FCRL1: variants seen among roughly 807,000 people sequenced by gnomAD.
FCRL1 encodes the protein Fc receptor like 1, also known as Fc receptor-like protein 1.
A neutral mutation model predicts 49.2 loss-of-function variants in FCRL1; 34 were observed. The ratio of observed to expected loss-of-function variants is 0.69; its 90% CI spans 0.53 to 0.92. The LOEUF (loss-of-function observed/expected upper bound fraction) is 0.92. Among genes scored for constraint, FCRL1 ranks in the 40% least tolerant of loss-of-function variants. The probability of loss-of-function intolerance (pLI) is 0.00; values close to 1 mark genes in which losing one functional copy is unlikely to be tolerated. For missense variants in FCRL1, 524 were observed against 524.1 expected (o/e 1.00, Z 0.00); for synonymous variants, 218 against 201.6 (o/e 1.08, Z -0.69).
At chr1:157,811,976 TGGA>T (rs1654386040) in intron 1 of FCRL1, among the ~76,000 whole-genome samples, 1 of 152,168 alleles carries the variant, frequency 6.6e-6, no homozygotes, top group African/African-American at 2.4e-5. Context: ...TCCTGCCCAG[TGGA>T]GAAGTCAAGC....
intron 1 of FCRL1, among the ~76,000 whole-genome samples, chr1:157,812,338 A>G (rs2101892901): frequency 6.6e-6 from 1 of 151,830 alleles, no homozygotes. Flanking sequence ...GCATCCTATC[A>G]CCATTCCAGG....
In FCRL1 at chr1:157,802,671, G is replaced by A; in HGVS notation, c.320-7C>T. ...ACATCAGCGACAGGGACCCCTGTGT[G>A]GACACAAGATGACATAGGAAGACCC... On this transcript the variant is annotated splice_region_variant and splice_polypyrimidine_tract_variant and intron_variant, in intron 3 of 10. Transcript: ENST00000368176. The A allele has an allele frequency of 6.2e-7, 1 of 1,610,382 alleles. No individual in the cohort carries two copies. Among genetic ancestry groups the A allele is most frequent in the Non-Finnish European group, 8.5e-7 (1 of 1,178,062 alleles).
chr1:157,801,641 T>C, intron 5 of FCRL1, 64 bp from the exon 6 acceptor site: 2 of 1,195,782 alleles, frequency 1.7e-6, no homozygotes, highest in Non-Finnish European at 2.4e-6. Flanking sequence ...AGAGCAGACA[T>C]CTTGGGTGTG....
intron 1 of FCRL1, 74 bp from the exon 2 acceptor site, chr1:157,807,196 A>G: frequency 1.3e-6 from 2 of 1,535,802 alleles, no homozygotes; most frequent in Non-Finnish European, 1.8e-6. Flanking sequence ...ATCCTTTGAG[A>G]GCTTCCCCAA....
In FCRL1 at chr1:157,800,460, GT is replaced by G. The variant is rs541710160; in HGVS notation, c.1004-376del. ...ACAAGCATGATATAGACGGTGTGAG[GT>G]ACCCAAATATGTCAGAAAAGCTTGG... On this transcript the variant is annotated intron_variant, in intron 6 of 10. Coordinates refer to ENST00000368176, the MANE Select transcript of FCRL1 (RefSeq NM_052938.5). 3.9e-5 allele frequency among the ~76,000 whole-genome samples: 6 copies of G among 152,294 alleles called. No homozygotes were observed. The South Asian group carries it at 1.2e-3, about 32-fold the overall frequency.
chr1:157,804,356 T>C (rs1243447913), intron 2 of FCRL1, among the ~76,000 whole-genome samples: 1 of 152,080 alleles, frequency 6.6e-6, no homozygotes, highest in Non-Finnish European at 1.5e-5. Flanking sequence ...ACTCTTACCT[T>C]TGACTTGGAT....
intron 10 of FCRL1, 111 bp downstream of exon 10, chr1:157,796,990 G>A (rs933006801): frequency 5.1e-6 from 5 of 981,332 alleles, no homozygotes; most frequent in South Asian, 1.4e-5. Flanking sequence ...GTAGGGAAGA[G>A]GTAGACCATG....
chr1:157,802,990 C>A (rs1365976966), intron 3 of FCRL1, among the ~76,000 whole-genome samples: 1 of 152,182 alleles, frequency 6.6e-6, no homozygotes, highest in African/African-American at 2.4e-5. Flanking sequence ...GTAAATCGAA[C>A]TGCCTTATTT....
Position 157,802,555 on chromosome 1 carries a change from G to C in FCRL1, c.429C>G (p.Ile143Met). Residue 143 changes from isoleucine (I) to methionine (M), a missense_variant, in exon 4 of 11, where the codon ATC (isoleucine) becomes ATG (methionine). Coordinates refer to ENST00000368176, the MANE Select transcript of FCRL1 (RefSeq NM_052938.5). The part of the protein sequence containing the change: ...ICSVAMGTGD[I>M]TFLWYKGAVG... Reference sequence around the variant, plus strand: ...CAGCCCCTTTGTACCAAAGGAAGGTGATGTCTCCTGTGCCCATAGCAACTG... The same window carrying C: ...CAGCCCCTTTGTACCAAAGGAAGGTCATGTCTCCTGTGCCCATAGCAACTG... 1 of 1,614,190 alleles carries C rather than the reference G, an allele frequency of 6.2e-7. No individual in the cohort carries two copies.
intron 1 of FCRL1, among the ~76,000 whole-genome samples, chr1:157,819,800 T>C (rs1027434763): frequency 1.3e-5 from 2 of 152,172 alleles, no homozygotes; most frequent in African/African-American, 2.4e-5. Context: ...AGATAAAAAC[T>C]GAAATGATAG....
chr1:157,807,121 A>G lies in FCRL1; in HGVS notation c.33T>C (p.Ala11=). Residue 11 remains alanine, a splice_region_variant and synonymous_variant, in exon 2 of 11, where the codon GCT becomes GCC. Coordinates refer to ENST00000368176, the MANE Select transcript of FCRL1 (RefSeq NM_052938.5). MLPRLLLLIC[A]PLCEPAELFL... is the part of the protein sequence containing the mutation. ...ACTCACCGGCAGGTTCACAGAGTGGAGCTGGGAGAGAATTCAGCAGAGATC... is the reference window on the plus strand; with the variant it reads ...ACTCACCGGCAGGTTCACAGAGTGGGGCTGGGAGAGAATTCAGCAGAGATC... 1 of 1,613,764 alleles carries G rather than the reference A, an allele frequency of 6.2e-7. No homozygotes were observed. Among genetic ancestry groups the G allele is most frequent in the Non-Finnish European group, 8.5e-7 (1 of 1,179,850 alleles).
At chr1:157,808,456 T>C (rs993984355) in intron 1 of FCRL1, among the ~76,000 whole-genome samples, 4 of 152,096 alleles carry the variant, frequency 2.6e-5, no homozygotes, top group South Asian at 2.1e-4. Context: ...AAACATCGAA[T>C]GCAAGTATCC....
chr1:157,798,016 T>G (rs1651815323), intron 8 of FCRL1, 77 bp from the exon 9 acceptor site: 2 of 1,542,660 alleles, frequency 1.3e-6, no homozygotes, highest in African/African-American at 2.7e-5. Context: ...CTTCCACCTG[T>G]CACAGCCATG....
rs908400517 is a variant in FCRL1 at position 157,794,506 on chromosome 1, T to C, written c.*1593A>G. 2.6e-5 allele frequency: 4 copies of C among 152,210 alleles called. No homozygotes were observed. The highest frequency in any genetic ancestry group is 9.6e-5 in the African/African-American group (4 of 41,460). The allele number at this position is 152,210 out of a possible 1,614,324, so 9.4% of individuals were successfully genotyped here. ...CAGACGTTGTTGGTGAAGATATAAA[T>C]TGATACAGCCTTACCTGAGAGACAT... On this transcript the variant is annotated 3_prime_UTR_variant, in exon 11 of 11. Coordinates refer to ENST00000368176, the MANE Select transcript of FCRL1 (RefSeq NM_052938.5).
At chr1:157,807,626 G>A (rs774700716) in intron 1 of FCRL1, among the ~76,000 whole-genome samples, 30 of 152,188 alleles carry the variant, frequency 2.0e-4, no homozygotes, top group African/African-American at 7.2e-4. Context: ...TCAAGGCATA[G>A]AGACCCTTTG....
chr1:157,810,933 C>T (rs1319762706), intron 1 of FCRL1, among the ~76,000 whole-genome samples: 1 of 151,964 alleles, frequency 6.6e-6, no homozygotes, highest in Admixed American at 6.6e-5. Flanking sequence ...TGCCACAATG[C>T]CAGGATAATT....
chr1:157,812,357 G>A lies in FCRL1; in HGVS notation c.32-5235C>T, dbSNP rs141571922. On this transcript the variant is annotated intron_variant, in intron 1 of 10. Coordinates refer to ENST00000368176, the MANE Select transcript of FCRL1 (RefSeq NM_052938.5). ...CCTATCACCATTCCAGGGTCTTTCC[G>A]GTCACTACACCTGGCATCACAGAGC... Among the ~76,000 whole-genome samples, 588 of 152,140 alleles carry A rather than the reference G, an allele frequency of 3.9e-3. 3 individuals are homozygous for A. Among genetic ancestry groups the A allele is most frequent in the African/African-American group, 0.013 (560 of 41,484 alleles).
At position 157,802,140 on chromosome 1, in the gene FCRL1, C is replaced by T. The variant is rs1156793592; in HGVS notation, c.661G>A (p.Val221Met). 3 of 1,614,098 alleles carry T rather than the reference C, an allele frequency of 1.9e-6. No homozygotes were observed. Among genetic ancestry groups the T allele is most frequent in the African/African-American group, 1.3e-5 (1 of 74,948 alleles). ...CAGTGAAGCTCCAGCACATCCTCCA[C>T]TGCAGCCTGGGCCCTGGGAGCCCTG... is the stretch of plus-strand genomic sequence containing the variant. ...MLRAPRAQAA[V>M]EDVLELHCEA... The change falls in exon 5 of 11, where the codon GTG (valine) becomes ATG (methionine). Residue 221 changes from valine to methionine, a missense_variant. Transcript: ENST00000368176.
chr1:157,800,920 TCTCA>T (rs1477601027), intron 6 of FCRL1, among the ~76,000 whole-genome samples: 1 of 151,752 alleles, frequency 6.6e-6, no homozygotes, highest in East Asian at 1.9e-4. Context: ...TGAGACAGAG[TCTCA>T]CTCTGTCACC....
Sources: allele counts gnomAD v4.1 joint callset (sites outside exome capture counted in the v4.1 genomes callset), GRCh38; gene constraint gnomAD v4.1.1; transcripts MANE v1.5; gene names NCBI Gene and HGNC (gene_info 2026-07-23, HGNC 2026-07-21).